FN3K: variants seen among roughly 807,000 people sequenced by gnomAD.
FN3K encodes the protein fructosamine 3 kinase.
Under a neutral mutation model 24.8 loss-of-function variants are expected in FN3K, and 24 were observed. The ratio of observed to expected loss-of-function variants is 0.97; its 90% CI spans 0.70 to 1.36. FN3K has a LOEUF of 1.36. Ranked by LOEUF, FN3K falls within the 40% of genes most tolerant of loss-of-function variation. The pLI, the probability that FN3K is intolerant of heterozygous loss-of-function variation, is 0.00. For synonymous variants in FN3K, 192 were observed against 175.2 expected, an observed-to-expected ratio of 1.10 and a Z score of -0.76; for missense variants, 449 against 416.7, an observed-to-expected ratio of 1.08 and a Z score of -0.67.
rs200922372 is a variant in FN3K at position 82,747,765 on chromosome 17, ATC to A, written c.469-1088_469-1087del. 9.4e-4 allele frequency among the ~76,000 whole-genome samples: 143 copies of A among 152,144 alleles called. 1 individual carries two copies. In the East Asian group the frequency reaches 0.023, roughly 24 times the overall value. ...CTTAAATTCTTCTCAATTTATTGAGATCTGTTTGCATGGAGAGAGAAATCCTA... is the reference window on the plus strand; with the variant it reads ...CTTAAATTCTTCTCAATTTATTGAGATGTTTGCATGGAGAGAGAAATCCTA... On this transcript the variant is annotated intron_variant, in intron 4 of 5. Coordinates refer to ENST00000300784, the MANE Select transcript of FN3K (RefSeq NM_022158.4).
In FN3K at chr17:82,750,875, C is replaced by T; in HGVS notation, c.*120C>T. On this transcript the variant is annotated 3_prime_UTR_variant, in exon 6 of 6. Coordinates refer to ENST00000300784, the MANE Select transcript of FN3K (RefSeq NM_022158.4). ...CCCTGTTCCCGTCTCCCCGTCCCTC[C>T]GTCTCCATCCCCCCGTCCCCCCATC... The T allele has an allele frequency of 1.5e-6, 1 of 652,074 alleles. No homozygotes were observed. The highest frequency in any genetic ancestry group is 2.5e-6 in the Non-Finnish European group (1 of 402,974). The allele number at this position is 652,074 out of a possible 1,614,324, so 40.4% of individuals were successfully genotyped here.
At chr17:82,750,138 T>A (rs538188498) in intron 5 of FN3K, among the ~76,000 whole-genome samples, 1 of 152,282 alleles carries the variant, frequency 6.6e-6, no homozygotes, top group South Asian at 2.1e-4. Flanking sequence ...TTTGCTAAGG[T>A]AGCGCAACAC....
At position 82,735,778 on chromosome 17, in the gene FN3K, G is replaced by T; in HGVS notation, c.141+1G>T. ...CGTCAAAGTCAACCGCAGGACGCAG[G>T]TGCTGGCCCGTGCGCAGGCGGGGGC... On this transcript the variant is annotated splice_donor_variant, in intron 1 of 5. Transcript: ENST00000300784. LOFTEE classifies it high-confidence loss of function. 6.4e-7 allele frequency: 1 copy of T among 1,558,678 alleles called. No individual in the cohort carries two copies. The highest frequency in any genetic ancestry group is 1.4e-5 in the African/African-American group (1 of 74,034).
chr17:82,739,414 G>A (rs1288940118), intron 2 of FN3K, among the ~76,000 whole-genome samples: 3 of 150,380 alleles, frequency 2.0e-5, no homozygotes, highest in East Asian at 1.9e-4. Context: ...TCAGCCTCGC[G>A]AGTGGCTGGG....
intron 1 of FN3K, 179 bp downstream of exon 1, chr17:82,735,956 C>A (rs1286878315): frequency 3.7e-6 from 3 of 800,080 alleles, no homozygotes; most frequent in Non-Finnish European, 5.8e-6. Context: ...TTTGTGTCTG[C>A]ACGATCCGTG....
intron 4 of FN3K, among the ~76,000 whole-genome samples, chr17:82,747,790 C>T (rs1275040781): frequency 6.6e-6 from 1 of 152,184 alleles, no homozygotes; most frequent in Non-Finnish European, 1.5e-5. Flanking sequence ...GAGAGAAATC[C>T]TACTCTATTC....
At chr17:82,746,671 C>T (rs1169857610) in intron 4 of FN3K, among the ~76,000 whole-genome samples, 7 of 151,916 alleles carry the variant, frequency 4.6e-5, no homozygotes, top group East Asian at 3.9e-4. Context: ...GGCATGGTGG[C>T]GGGCACCTGT....
intron 4 of FN3K, among the ~76,000 whole-genome samples, chr17:82,743,527 G>A (rs2046952014): frequency 6.6e-6 from 1 of 152,096 alleles, no homozygotes; most frequent in African/African-American, 2.4e-5. Flanking sequence ...CCAATGGGGG[G>A]CAGTGCTGAG....
chr17:82,741,414 G>A, intron 4 of FN3K, 21 bp downstream of exon 4: 1 of 1,604,426 alleles, frequency 6.2e-7, no homozygotes, highest in Non-Finnish European at 8.5e-7. Flanking sequence ...GGGTGAGGGT[G>A]TTCCCTGATG....
rs538186125 is a variant in FN3K at position 82,743,289 on chromosome 17, C to T, written c.468+1896C>T. Reference sequence around the variant, plus strand: ...CCAGAGCCCCTGTGTGTGAAGCAGACGAGAAGGGGGCTAGTCTGTTTGGAG... The same window carrying T: ...CCAGAGCCCCTGTGTGTGAAGCAGATGAGAAGGGGGCTAGTCTGTTTGGAG... On this transcript the variant is annotated intron_variant, in intron 4 of 5. Transcript: ENST00000300784. Among the ~76,000 whole-genome samples the T allele has an allele frequency of 7.9e-5, 12 of 152,224 alleles. No homozygotes were observed. The East Asian group carries it at 1.3e-3, about 17-fold the overall frequency.
intron 1 of FN3K, among the ~76,000 whole-genome samples, chr17:82,737,191 G>A (rs989931757): frequency 1.3e-5 from 2 of 152,332 alleles, no homozygotes; most frequent in East Asian, 3.9e-4. Flanking sequence ...AGGAAAGGGC[G>A]TTCTGTTCGT....
chr17:82,740,731 A>T lies in FN3K; in HGVS notation c.294-32A>T, dbSNP rs372789922. On this transcript the variant is annotated intron_variant, in intron 2 of 5. Coordinates refer to ENST00000300784, the MANE Select transcript of FN3K (RefSeq NM_022158.4). Reference sequence around the variant, plus strand: ...TGGGTGGTGTTATTTATTATTTGTTATTTTAATTAGCTGCATTTCTTCTTT... The same window carrying T: ...TGGGTGGTGTTATTTATTATTTGTTTTTTTAATTAGCTGCATTTCTTCTTT... The T allele has an allele frequency of 9.7e-5, 144 of 1,490,876 alleles. No individual in the cohort carries two copies. In the African/African-American group the frequency reaches 1.8e-3, roughly 19 times the overall value. 92.4% of individuals were successfully genotyped at this position (1,490,876 alleles called of 1,614,324 possible).
chr17:82,742,588 G>T, intron 4 of FN3K: 1 of 410,486 alleles, frequency 2.4e-6, no homozygotes, highest in Non-Finnish European at 4.8e-6. Flanking sequence ...CCATTCTATG[G>T]CTAGGCCACA....
Position 82,741,440 on chromosome 17 carries a change from C to T in FN3K, c.468+47C>T, listed in dbSNP as rs773566497. 2.4e-5 allele frequency: 37 copies of T among 1,514,144 alleles called. No homozygotes were observed. The East Asian group carries it at 8.1e-4, about 33-fold the overall frequency. 93.8% of individuals were successfully genotyped at this position (1,514,144 alleles called of 1,614,324 possible). On this transcript the variant is annotated intron_variant, in intron 4 of 5. Coordinates refer to ENST00000300784, the MANE Select transcript of FN3K (RefSeq NM_022158.4). ...TTCCCTGATGCCCTAATGCTGGTCA[C>T]CCACTCTTTATATGTGACAGAATGC...
intron 4 of FN3K, among the ~76,000 whole-genome samples, chr17:82,746,093 C>CAAAAA (rs373867732): frequency 8.5e-6 from 1 of 117,816 alleles, no homozygotes; most frequent in Non-Finnish European, 1.7e-5. Context: ...GACTCCGTCT[C>CAAAAA]AAAAAAAAAA....
chr17:82,740,232 T>G (rs1171732012), intron 2 of FN3K, among the ~76,000 whole-genome samples: 1 of 152,122 alleles, frequency 6.6e-6, no homozygotes, highest in African/African-American at 2.4e-5. Flanking sequence ...TATCATTACT[T>G]TCTCAGCATT....
At chr17:82,738,947 T>TACACGTGTATATATATATATATA (rs1491164859) in intron 2 of FN3K, among the ~76,000 whole-genome samples, 2 of 65,252 alleles carry the variant, frequency 3.1e-5, no homozygotes, top group Admixed American at 3.0e-4. Flanking sequence ...TATATATATA[T>TACACGTGTATATATATATATATA]TTTTTTTTTT....
intron 1 of FN3K, chr17:82,737,599 G>A (rs1412547118): frequency 6.6e-6 from 1 of 152,248 alleles, no homozygotes; most frequent in Non-Finnish European, 1.5e-5. Context: ...TGGGATTACA[G>A]GTGCGAGCCA....
chr17:82,746,925 A>C (rs1211674032), intron 4 of FN3K, among the ~76,000 whole-genome samples: 1 of 151,948 alleles, frequency 6.6e-6, no homozygotes, highest in Non-Finnish European at 1.5e-5. Context: ...CCTGGGTTCA[A>C]GCGATTCTCC....
Sources: allele counts gnomAD v4.1 joint callset (sites outside exome capture counted in the v4.1 genomes callset), GRCh38; gene constraint gnomAD v4.1.1; transcripts MANE v1.5; gene names NCBI Gene and HGNC (gene_info 2026-07-23, HGNC 2026-07-21).